TMEM132D: variants seen among roughly 807,000 people sequenced by gnomAD.
TMEM132D encodes the protein mature OL transmembrane protein.
Under a neutral mutation model 62.3 loss-of-function variants are expected in TMEM132D, and 21 were observed. The ratio of observed to expected loss-of-function variants is 0.34; its 90% CI spans 0.24 to 0.49. The LOEUF (loss-of-function observed/expected upper bound fraction) is 0.49. Among genes scored for constraint, TMEM132D ranks in the 20% least tolerant of loss-of-function variants. The probability of loss-of-function intolerance (pLI) is 0.99; values close to 1 mark genes in which losing one functional copy is unlikely to be tolerated. For missense variants in TMEM132D, 1,346 were observed against 1,402.8 expected, an observed-to-expected ratio of 0.96 and a Z score of 0.65; for synonymous variants, 621 against 575.6, an observed-to-expected ratio of 1.08 and a Z score of -1.13.
chr12:129,264,417 A>G (rs919887727), intron 4 of TMEM132D, among the ~76,000 whole-genome samples: 1 of 152,098 alleles, frequency 6.6e-6, no homozygotes, highest in Admixed American at 6.5e-5. Context: ...CCCCAAAACC[A>G]GTACATTTTG....
intron 1 of TMEM132D, among the ~76,000 whole-genome samples, chr12:129,808,565 T>A (rs1415371229): frequency 6.6e-6 from 1 of 152,214 alleles, no homozygotes; most frequent in East Asian, 1.9e-4. Context: ...CTTGTCAGGA[T>A]TTCCTTGAAG....
intron 4 of TMEM132D, among the ~76,000 whole-genome samples, chr12:129,313,585 A>ATATATG (rs1243323660): frequency 5.9e-5 from 9 of 151,684 alleles, no homozygotes; most frequent in Non-Finnish European, 7.4e-5. Context: ...ATATATATAT[A>ATATATG]TAAGTTTCTT....
intron 3 of TMEM132D, among the ~76,000 whole-genome samples, chr12:129,420,306 G>GTTCTTTTTTTTTTTT (rs1872267836): frequency 8.9e-6 from 1 of 112,310 alleles, no homozygotes; most frequent in African/African-American, 4.0e-5. Context: ...CACGTTCTCT[G>GTTCTTTTTTTTTTTT]TTTTTTTTTT....
chr12:129,808,486 C>T (rs925844677), intron 1 of TMEM132D, among the ~76,000 whole-genome samples: 7 of 152,068 alleles, frequency 4.6e-5, no homozygotes, highest in African/African-American at 1.2e-4. Flanking sequence ...TCAAAATAAA[C>T]GAAGACCAAG....
chr12:129,318,466 G>T (rs1868563462), intron 4 of TMEM132D, among the ~76,000 whole-genome samples: 1 of 152,166 alleles, frequency 6.6e-6, no homozygotes, highest in Non-Finnish European at 1.5e-5. Context: ...GGTACTGGGG[G>T]TGGTCTGCAT....
rs141659509 is a variant in TMEM132D, at chr12:129,320,356, A to T, written c.1299+17278T>A. ...GGAGAAGAATGTGCAGAGTAGCTAC[A>T]GAATAATAATAATTAGTAGAACCAA... is the stretch of plus-strand genomic sequence containing the variant. On this transcript the variant is annotated intron_variant, in intron 4 of 8. Transcript: ENST00000422113. Among the ~76,000 whole-genome samples, 75 of 152,384 alleles carry T rather than the reference A, an allele frequency of 4.9e-4. 1 individual carries two copies. Among genetic ancestry groups the T allele is most frequent in the Non-Finnish European group, 9.0e-4 (61 of 68,038 alleles).
intron 1 of TMEM132D, among the ~76,000 whole-genome samples, chr12:129,901,370 C>T (rs1341288966): frequency 1.3e-5 from 2 of 152,008 alleles, no homozygotes; most frequent in African/African-American, 4.8e-5. Flanking sequence ...ATGCAATTTG[C>T]TAATAGGGGT....
At chr12:129,897,791 A>G (rs1287088405) in intron 1 of TMEM132D, among the ~76,000 whole-genome samples, 1 of 152,228 alleles carries the variant, frequency 6.6e-6, no homozygotes, top group Non-Finnish European at 1.5e-5. Flanking sequence ...TCATCTGTAT[A>G]CCAGGCTCTG....
chr12:129,812,654 C>T (rs1872220831), intron 1 of TMEM132D, among the ~76,000 whole-genome samples: 1 of 151,748 alleles, frequency 6.6e-6, no homozygotes, highest in South Asian at 2.1e-4. Flanking sequence ...GACACCATTG[C>T]TTCTTTTCGT....
At chr12:129,653,017 A>T (rs1405090504) in intron 2 of TMEM132D, among the ~76,000 whole-genome samples, 3 of 152,234 alleles carry the variant, frequency 2.0e-5, no homozygotes, top group Non-Finnish European at 4.4e-5. Context: ...ACCTGGTGTT[A>T]TGTTAAAGAA....
rs190284466 is a variant in TMEM132D, at chr12:129,452,806, T to C, written c.1115+78253A>G. Among the ~76,000 whole-genome samples the C allele has an allele frequency of 8.7e-4, 133 of 152,310 alleles. 1 individual carries two copies. Among genetic ancestry groups the C allele is most frequent in the Admixed American group, 8.4e-3 (129 of 15,296 alleles). On this transcript the variant is annotated intron_variant, in intron 3 of 8. Coordinates refer to ENST00000422113, the MANE Select transcript of TMEM132D (RefSeq NM_133448.3). ...TCTGATTTACCCTTCTCCCTGCACTTCCTTCTTGTGCAATAGTTAAATCAG... is the reference window on the plus strand; with the variant it reads ...TCTGATTTACCCTTCTCCCTGCACTCCCTTCTTGTGCAATAGTTAAATCAG...
At chr12:129,537,254 G>A (rs957765441) in intron 2 of TMEM132D, among the ~76,000 whole-genome samples, 1 of 151,436 alleles carries the variant, frequency 6.6e-6, no homozygotes, top group Admixed American at 6.6e-5. Context: ...GAAATAATGT[G>A]TGCTACAAAA....
chr12:129,828,811 G>A (rs1217887126), intron 1 of TMEM132D, among the ~76,000 whole-genome samples: 1 of 143,270 alleles, frequency 7.0e-6, no homozygotes, highest in Admixed American at 7.0e-5. Flanking sequence ...AGGAAAGGAA[G>A]GGAGAAAAAA....
intron 3 of TMEM132D, among the ~76,000 whole-genome samples, chr12:129,513,806 T>TTA (rs1474226107): frequency 1.9e-5 from 2 of 102,834 alleles, no homozygotes; most frequent in Non-Finnish European, 4.0e-5. Context: ...ATTTTTATTT[T>TTA]TATTTATTTA....
At chr12:129,597,240 G>C (rs1164231914) in intron 2 of TMEM132D, among the ~76,000 whole-genome samples, 1 of 152,168 alleles carries the variant, frequency 6.6e-6, no homozygotes, top group Non-Finnish European at 1.5e-5. Flanking sequence ...CAAGATAGGA[G>C]AGGACATTTT....
intron 2 of TMEM132D, among the ~76,000 whole-genome samples, chr12:129,590,234 A>T (rs1268607275): frequency 6.6e-6 from 1 of 152,070 alleles, no homozygotes; most frequent in Non-Finnish European, 1.5e-5. Flanking sequence ...TGAGGTTGAG[A>T]TGAGCAACCC....
intron 2 of TMEM132D, among the ~76,000 whole-genome samples, chr12:129,592,008 GATAAC>G (rs1878202856): frequency 6.6e-6 from 1 of 152,054 alleles, no homozygotes; most frequent in Non-Finnish European, 1.5e-5. Flanking sequence ...AACTTATCTA[GATAAC>G]ATATTTGAAA....
chr12:129,368,767 C>CAA (rs112029120), intron 3 of TMEM132D, among the ~76,000 whole-genome samples: 189 of 133,232 alleles, frequency 1.4e-3, no homozygotes, highest in African/African-American at 4.6e-3. Context: ...ACCTTTCCAC[C>CAA]AAAAAAAAAA....
chr12:129,077,279 C>T (rs7962473), intron 8 of TMEM132D, among the ~76,000 whole-genome samples: 3 of 152,188 alleles, frequency 2.0e-5, no homozygotes, highest in South Asian at 2.1e-4. Context: ...GAAAAGGCTC[C>T]TGATCCAGAA....
Sources: gnomAD v4.1 joint callset for allele counts (sites outside exome capture counted in the v4.1 genomes callset) on GRCh38, gnomAD v4.1.1 for gene constraint, MANE v1.5 for transcripts, NCBI Gene and HGNC (gene_info 2026-07-23, HGNC 2026-07-21) for gene names.